RALGAPB: variants seen among roughly 807,000 people sequenced by gnomAD.
RALGAPB encodes Ral GTPase activating protein non-catalytic subunit beta, also known as ral GTPase-activating protein subunit beta.
Under a neutral mutation model 161.1 loss-of-function variants are expected in RALGAPB, and 25 were observed. The ratio of observed to expected loss-of-function variants is 0.16; its 90% CI spans 0.11 to 0.22. The LOEUF is 0.22. Among genes scored for constraint, RALGAPB ranks in the 10% least tolerant of loss-of-function variants. The pLI, the probability that RALGAPB is intolerant of heterozygous loss-of-function variation, is 1.00. For missense variants in RALGAPB, 1,391 were observed against 1,815.2 expected (o/e 0.77, Z 4.25); for synonymous variants, 629 against 626.1 (o/e 1.00, Z -0.07).
chr20:38,503,326 T>C (rs2085651552), intron 5 of RALGAPB, among the ~76,000 whole-genome samples: 1 of 152,198 alleles, frequency 6.6e-6, no homozygotes, highest in Admixed American at 6.5e-5. Flanking sequence ...TAGTCCCTAT[T>C]GTTCAGGGGT....
intron 13 of RALGAPB, among the ~76,000 whole-genome samples, chr20:38,528,385 A>G (rs966901206): frequency 1.7e-5 from 2 of 115,114 alleles, no homozygotes; most frequent in Non-Finnish European, 2.0e-5. Flanking sequence ...TTATTTATTT[A>G]TTTAAATACA....
intron 5 of RALGAPB, among the ~76,000 whole-genome samples, chr20:38,501,924 A>G (rs530558559): frequency 4.1e-4 from 62 of 152,340 alleles, no homozygotes; most frequent in Non-Finnish European, 2.9e-5. Context: ...ATATATGTAC[A>G]TGCTAGTCTT....
At chr20:38,509,026 ATT>A in intron 5 of RALGAPB, 49 bp from the exon 6 acceptor site, 1 of 1,581,498 alleles carries the variant, frequency 6.3e-7, no homozygotes, top group Non-Finnish European at 8.7e-7. Context: ...GCTTGAGTGT[ATT>A]TTTCAATCTG....
intron 12 of RALGAPB, 70 bp downstream of exon 12, chr20:38,525,588 G>A (rs1463326813): frequency 8.5e-7 from 1 of 1,177,458 alleles, no homozygotes; most frequent in African/African-American, 1.6e-5. Flanking sequence ...CAAATCGAAT[G>A]TTAAAAATGA....
intron 24 of RALGAPB, among the ~76,000 whole-genome samples, chr20:38,563,619 C>G (rs1173527268): frequency 6.6e-6 from 1 of 152,160 alleles, no homozygotes; most frequent in African/African-American, 2.4e-5. Context: ...TTAGTGTTAC[C>G]TCTCTAAAGT....
chr20:38,480,240 G>T (rs1297024108), intron 1 of RALGAPB, among the ~76,000 whole-genome samples: 1 of 151,092 alleles, frequency 6.6e-6, no homozygotes, highest in Non-Finnish European at 1.5e-5. Context: ...CTTCAAAATT[G>T]GTCACTGCTT....
intron 25 of RALGAPB, among the ~76,000 whole-genome samples, chr20:38,565,887 G>A (rs1040421443): frequency 1.3e-5 from 2 of 152,044 alleles, no homozygotes; most frequent in African/African-American, 4.8e-5. Context: ...ATAGCATATG[G>A]CCATTCTTCT....
intron 6 of RALGAPB, among the ~76,000 whole-genome samples, chr20:38,514,817 G>C (rs1395113718): frequency 6.6e-6 from 1 of 152,198 alleles, no homozygotes; most frequent in Admixed American, 6.5e-5. Flanking sequence ...TTTTTTAACA[G>C]GTTCCCCAAA....
intron 4 of RALGAPB, 73 bp from the exon 5 acceptor site, chr20:38,499,374 C>T (rs1348218778): frequency 2.3e-6 from 3 of 1,321,816 alleles, no homozygotes; most frequent in African/African-American, 1.5e-5. Context: ...GACCAGTTCT[C>T]CCAAATCAGT....
intron 27 of RALGAPB, 60 bp from the exon 28 acceptor site, chr20:38,570,709 C>T (rs904609413): frequency 1.5e-5 from 16 of 1,096,832 alleles, no homozygotes; most frequent in Non-Finnish European, 2.0e-5. Context: ...ATTAGATTTC[C>T]TATTATCTGT....
intron 28 of RALGAPB, among the ~76,000 whole-genome samples, chr20:38,571,077 A>G (rs1297112277): frequency 6.6e-6 from 1 of 152,214 alleles, no homozygotes; most frequent in Non-Finnish European, 1.5e-5. Context: ...GTTAAAAGCT[A>G]TACGTATTTA....
rs775011286 is a variant in RALGAPB at position 38,558,405 on chromosome 20, C to G, written c.3483C>G (p.Asp1161Glu). The G allele has an allele frequency of 6.2e-7, 1 of 1,604,086 alleles. No individual in the cohort carries two copies. Among genetic ancestry groups the G allele is most frequent in the Non-Finnish European group, 8.5e-7 (1 of 1,174,350 alleles). Residue 1161 changes from aspartate (D) to glutamate (E), a missense_variant, in exon 23 of 30, where the codon GAC (aspartate) becomes GAG (glutamate). Asp to Glu is a conservative substitution (Grantham distance 45). Coordinates refer to ENST00000262879, the MANE Select transcript of RALGAPB (RefSeq NM_020336.4). ...YLDLLPCRPF[D>E]TVFIFYMKPG... ...ATCTCTTGCCATGTCGTCCTTTTGACACAGTTTTTATTTTCTATATGAAGC... is the reference window on the plus strand; with the variant it reads ...ATCTCTTGCCATGTCGTCCTTTTGAGACAGTTTTTATTTTCTATATGAAGC...
intron 5 of RALGAPB, among the ~76,000 whole-genome samples, chr20:38,505,203 A>G (rs1271441053): frequency 6.6e-6 from 1 of 152,258 alleles, no homozygotes; most frequent in Non-Finnish European, 1.5e-5. Flanking sequence ...TAGACTGGGT[A>G]AAGAAAATGT....
chr20:38,573,682 C>T (rs1261210401), intron 28 of RALGAPB: 2 of 152,210 alleles, frequency 1.3e-5, no homozygotes, highest in Admixed American at 6.5e-5. Flanking sequence ...TGTCATGGGC[C>T]GAAGCTGTGT....
intron 13 of RALGAPB, among the ~76,000 whole-genome samples, chr20:38,529,078 C>A (rs1410862823): frequency 6.6e-6 from 1 of 152,050 alleles, no homozygotes; most frequent in Non-Finnish European, 1.5e-5. Flanking sequence ...GATGCCAATT[C>A]CCTGAGTAGT....
At chr20:38,479,286 C>T (rs1265185159) in intron 1 of RALGAPB, among the ~76,000 whole-genome samples, 1 of 152,148 alleles carries the variant, frequency 6.6e-6, no homozygotes, top group African/African-American at 2.4e-5. Context: ...TCTGGATGTA[C>T]TTTACAAAGT....
intron 17 of RALGAPB, 84 bp from the exon 18 acceptor site, chr20:38,540,956 AC>A: frequency 6.8e-7 from 1 of 1,462,906 alleles, no homozygotes; most frequent in Non-Finnish European, 9.3e-7. Context: ...CCAAAACGCA[AC>A]CACTGTTAGC....
chr20:38,573,918 T>G (rs2088335609), intron 28 of RALGAPB: 1 of 326,082 alleles, frequency 3.1e-6, no homozygotes, highest in African/African-American at 2.1e-5. Flanking sequence ...TTCTGTTAGC[T>G]TAGAAAGCTT....
intron 9 of RALGAPB, among the ~76,000 whole-genome samples, chr20:38,518,346 C>T (rs1331853628): frequency 6.6e-6 from 1 of 152,106 alleles, no homozygotes; most frequent in Non-Finnish European, 1.5e-5. Flanking sequence ...ATTAAAAATT[C>T]GAACTGGAAA....
Sources: allele counts gnomAD v4.1 joint callset (sites outside exome capture counted in the v4.1 genomes callset), GRCh38; gene constraint gnomAD v4.1.1; transcripts MANE v1.5; gene names NCBI Gene and HGNC (gene_info 2026-07-23, HGNC 2026-07-21).